Variants in SI observed in about 807,000 individuals in gnomAD.
The protein encoded by SI is sucrase-isomaltase, intestinal.
SI carries 235 observed loss-of-function variants against 253.3 expected under a neutral mutation model. The observed-to-expected ratio is 0.93, with a 90% CI of 0.83 to 1.03. The LOEUF is 1.03. SI is among the 50% of genes least tolerant of loss of function. The pLI, the probability that SI is intolerant of heterozygous loss-of-function variation, is 0.00. For missense variants in SI, 2,442 were observed against 2,211.1 expected (o/e 1.10, Z -2.09); for synonymous variants, 819 against 712.0 (o/e 1.15, Z -2.39).
chr3:165,038,085 C>T, intron 20 of SI, 61 bp from the exon 21 acceptor site: 1 of 1,457,756 alleles, frequency 6.9e-7, no homozygotes, highest in Non-Finnish European at 9.6e-7. Flanking sequence ...CTCTATTTCA[C>T]AAGAATTAAA....
At chr3:165,039,295 A>G (rs1221140019) in intron 19 of SI, among the ~76,000 whole-genome samples, 161 bp from the exon 20 acceptor site, 17 of 152,056 alleles carry the variant, frequency 1.1e-4, no homozygotes. Flanking sequence ...TATTAGCTTT[A>G]GATAATATCA....
chr3:164,996,449 C>T, intron 40 of SI, 86 bp downstream of exon 40: 1 of 831,046 alleles, frequency 1.2e-6, no homozygotes, highest in Non-Finnish European at 2.1e-6. Context: ...AATAAATATA[C>T]CAGCTAACCA....
At chr3:165,014,392 G>C (rs2108169516) in intron 33 of SI, among the ~76,000 whole-genome samples, 1 of 152,214 alleles carries the variant, frequency 6.6e-6, no homozygotes, top group Admixed American at 6.5e-5. Context: ...GGGACTACAG[G>C]CACCCGCCAC....
In SI at chr3:165,049,142, GC is replaced by G; in HGVS notation, c.1699del (p.Ala567LeufsTer2). On this transcript the variant is annotated frameshift_variant, in exon 15 of 48. Coordinates refer to ENST00000264382, the MANE Select transcript of SI (RefSeq NM_001041.4). LOFTEE classifies it high-confidence loss of function. Reference protein sequence around the residue: ...DVHSLYGYSMAIATEQAVQKV... With the variant: ...DVHSLYGYSMXIATEQAVQKV... Reference sequence around the variant, plus strand: ...TTGCACTTACTGCTCTGTGGCTATAGCCATGCTGTATCCATAGAGGCTATGA... The same window carrying G: ...TTGCACTTACTGCTCTGTGGCTATAGCATGCTGTATCCATAGAGGCTATGA... 4 of 1,575,610 alleles carry G rather than the reference GC, an allele frequency of 2.5e-6. No individual in the cohort carries two copies. The highest frequency in any genetic ancestry group is 3.5e-6 in the Non-Finnish European group (4 of 1,144,966).
chr3:164,991,341 C>G lies in SI; in HGVS notation c.5108+12G>C, dbSNP rs1211952744. On this transcript the variant is annotated intron_variant, in intron 44 of 47. Transcript: ENST00000264382. ...CAAAATTTAACCTGAGCTTTGTAAA[C>G]AGTTCACTTACCTGTAAAATGTGTT... The G allele has an allele frequency of 6.2e-7, 1 of 1,613,502 alleles. No individual in the cohort carries two copies. The highest frequency in any genetic ancestry group is 2.2e-5 in the East Asian group (1 of 44,852).
At chr3:165,085,030 A>G in the SI span, among the ~76,000 whole-genome samples, 1 of 152,092 alleles carries the variant, frequency 6.6e-6, no homozygotes, top group Non-Finnish European at 1.5e-5. Context: ...ACCAGCTTAG[A>G]AACTTGTTTT....
the SI span, among the ~76,000 whole-genome samples, chr3:165,088,405 G>T: frequency 6.6e-6 from 1 of 151,726 alleles, no homozygotes; most frequent in African/African-American, 2.4e-5. Context: ...AGCACTTTGG[G>T]AGGCCGAGGT....
chr3:165,064,060 A>G (rs1714106079), intron 7 of SI, among the ~76,000 whole-genome samples: 2 of 151,296 alleles, frequency 1.3e-5, no homozygotes, highest in Non-Finnish European at 2.9e-5. Context: ...ACAAAGTGAG[A>G]CTCCATCTCA....
At chr3:164,990,764 G>A (rs969638103) in intron 44 of SI, among the ~76,000 whole-genome samples, 2 of 151,990 alleles carry the variant, frequency 1.3e-5, no homozygotes, top group African/African-American at 4.8e-5. Flanking sequence ...GGGGGATGGG[G>A]GAGGGATAGC....
At chr3:164,998,351 C>G (rs551077170) in intron 38 of SI, among the ~76,000 whole-genome samples, 189 bp downstream of exon 38, 1 of 151,814 alleles carries the variant, frequency 6.6e-6, no homozygotes, top group South Asian at 2.1e-4. Flanking sequence ...AATTGAAGAT[C>G]ATTAGTTTCT....
At position 164,994,290 on chromosome 3, in the gene SI, T is replaced by G; in HGVS notation, c.4808A>C (p.Asn1603Thr). ...AAGGGGTCGGATAACAGTGCCACCA[T>G]TAGCATGAATTTCATGCATTTGTGT... ...FYTQMHEIHA[N>T]GGTVIRPLLH... The change falls in exon 41 of 48, where the codon AAT (asparagine) becomes ACT (threonine). Residue 1603 changes from asparagine to threonine, a missense_variant. Asn to Thr is a moderately conservative substitution (Grantham distance 65, BLOSUM62 0). Transcript: ENST00000264382. The G allele has an allele frequency of 6.2e-7, 1 of 1,611,008 alleles. No homozygotes were observed. The highest frequency in any genetic ancestry group is 8.5e-7 in the Non-Finnish European group (1 of 1,177,852).
At chr3:165,019,062 C>A (rs1038978029) in intron 28 of SI, among the ~76,000 whole-genome samples, 1 of 151,556 alleles carries the variant, frequency 6.6e-6, no homozygotes, top group African/African-American at 2.4e-5. Context: ...ATTTGTTGCA[C>A]AGTACATTAA....
Position 165,009,337 on chromosome 3 carries a change from C to T in SI, c.4121G>A (p.Trp1374Ter). ...GTAAAAGTCCACAATTTCTCTGGCC[C>T]ACCACTCTGCTGTGGAAGTCCTGAA... ...DFFRTSTAEW[W>*]AREIVDFYNE... The change falls in exon 35 of 48, where the codon TGG (tryptophan) becomes TAG (stop). Residue 1374 changes from tryptophan to a stop codon, truncating the protein, a stop_gained. Coordinates refer to ENST00000264382, the MANE Select transcript of SI (RefSeq NM_001041.4). LOFTEE classifies it high-confidence loss of function. The T allele has an allele frequency of 6.2e-7, 1 of 1,613,630 alleles. No homozygotes were observed. Among genetic ancestry groups the T allele is most frequent in the Non-Finnish European group, 8.5e-7 (1 of 1,179,702 alleles).
intron 12 of SI, among the ~76,000 whole-genome samples, chr3:165,057,294 G>C (rs1713743658): frequency 6.6e-6 from 1 of 151,464 alleles, no homozygotes; most frequent in Admixed American, 6.6e-5. Flanking sequence ...CACAGTCAGA[G>C]GAGACAAAAA....
At chr3:165,088,688 C>T in the SI span, among the ~76,000 whole-genome samples, 1 of 151,686 alleles carries the variant, frequency 6.6e-6, no homozygotes, top group Non-Finnish European at 1.5e-5. Context: ...AATAAAACAA[C>T]ATGGGTCAAA....
At chr3:165,032,795 C>G (rs1021142050) in intron 23 of SI, 103 bp from the exon 24 acceptor site, 11 of 679,446 alleles carry the variant, frequency 1.6e-5, no homozygotes, top group African/African-American at 1.3e-4. Context: ...ATCTACATCT[C>G]TATTCCCACC....
chr3:164,994,506 A>T, intron 40 of SI, 101 bp from the exon 41 acceptor site: 1 of 1,221,846 alleles, frequency 8.2e-7, no homozygotes, highest in Non-Finnish European at 1.2e-6. Flanking sequence ...ACATGATATT[A>T]ATTGATTGTC....
At chr3:165,073,170 T>TTCTCTCTC (rs59796544) in intron 3 of SI, among the ~76,000 whole-genome samples, 27 of 132,026 alleles carry the variant, frequency 2.0e-4, no homozygotes, top group South Asian at 1.5e-3. Context: ...CTTCAATCAT[T>TTCTCTCTC]TCTCTCTCTC....
intron 26 of SI, among the ~76,000 whole-genome samples, chr3:165,021,687 A>G (rs921526777): frequency 5.9e-5 from 9 of 151,798 alleles, no homozygotes; most frequent in Non-Finnish European, 1.3e-4. Context: ...TGGGTATACC[A>G]AAATTATTTC....
Sources: gnomAD v4.1 joint callset for allele counts (sites outside exome capture counted in the v4.1 genomes callset) on GRCh38, gnomAD v4.1.1 for gene constraint, MANE v1.5 for transcripts, NCBI Gene and HGNC (gene_info 2026-07-23, HGNC 2026-07-21) for gene names.